PDE11A: variants seen among roughly 807,000 people sequenced by gnomAD.
PDE11A encodes the protein dual 3',5'-cyclic-AMP and -GMP phosphodiesterase 11A.
PDE11A carries 100 observed loss-of-function variants against 100.5 expected under a neutral mutation model. The ratio of observed to expected loss-of-function variants is 1.00; its 90% CI spans 0.85 to 1.18. The LOEUF (loss-of-function observed/expected upper bound fraction) is 1.18. PDE11A is among the 50% of genes most tolerant of loss of function. The pLI is 0.00. For missense variants in PDE11A, 1,141 were observed against 1,152.6 expected, an observed-to-expected ratio of 0.99 and a Z score of 0.15; for synonymous variants, 381 against 420.8, an observed-to-expected ratio of 0.91 and a Z score of 1.16.
At chr2:177,712,606 A>C (rs2081373070) in intron 12 of PDE11A, among the ~76,000 whole-genome samples, 1 of 152,132 alleles carries the variant, frequency 6.6e-6, no homozygotes, top group Non-Finnish European at 1.5e-5. Context: ...GGTGAAATGC[A>C]CAGCTGTGAT....
In PDE11A at chr2:177,657,487, A is replaced by G. The variant is rs79990762; in HGVS notation, c.2646+6379T>C. Among the ~76,000 whole-genome samples the G allele has an allele frequency of 4.5e-4, 69 of 152,328 alleles. 1 individual carries two copies. The highest frequency in any genetic ancestry group is 1.6e-3 in the African/African-American group (68 of 41,568). On this transcript the variant is annotated intron_variant, in intron 19 of 19. Coordinates refer to ENST00000286063, the MANE Select transcript of PDE11A (RefSeq NM_016953.4). ...TACATTTCAGAACTCTCCTTTCTCT[A>G]TTAAGAACCAAACCTGGCTAAGTTA...
chr2:177,740,609 A>T (rs2081858107), intron 10 of PDE11A, among the ~76,000 whole-genome samples: 1 of 152,220 alleles, frequency 6.6e-6, no homozygotes, highest in African/African-American at 2.4e-5. Flanking sequence ...AATCAATCCC[A>T]ATGAATCTAG....
chr2:178,041,780 T>C (rs1352356999), intron 1 of PDE11A, among the ~76,000 whole-genome samples: 2 of 152,224 alleles, frequency 1.3e-5, no homozygotes, highest in African/African-American at 2.4e-5. Flanking sequence ...GGAAGTGCTG[T>C]TTGTCCAGTT....
intron 2 of PDE11A, among the ~76,000 whole-genome samples, chr2:177,966,548 G>GT (rs71410780): frequency 0.07 from 10,595 of 150,868 alleles, 368 homozygotes; most frequent in South Asian, 0.094. Flanking sequence ...TATAGAGGGT[G>GT]TTTTTTTTTA....
chr2:177,668,314 A>G (rs905868505), intron 18 of PDE11A, among the ~76,000 whole-genome samples: 1 of 152,150 alleles, frequency 6.6e-6, no homozygotes, highest in Admixed American at 6.5e-5. Context: ...CAGTTTTTAA[A>G]GGGGGAAAAG....
intron 2 of PDE11A, among the ~76,000 whole-genome samples, chr2:177,947,367 C>G (rs569270927): frequency 2.0e-5 from 3 of 151,696 alleles, no homozygotes; most frequent in South Asian, 4.2e-4. Flanking sequence ...GGATGGTTGC[C>G]GTGTCTGTGT....
intron 2 of PDE11A, among the ~76,000 whole-genome samples, chr2:177,989,223 A>C (rs141334545): frequency 6.9e-4 from 105 of 152,212 alleles, no homozygotes; most frequent in African/African-American, 2.3e-3. Flanking sequence ...TGAGCAATCT[A>C]CTCTTTTTCA....
intron 1 of PDE11A, among the ~76,000 whole-genome samples, chr2:178,022,579 C>T (rs551735631): frequency 2.6e-5 from 4 of 152,134 alleles, no homozygotes; most frequent in African/African-American, 9.6e-5. Context: ...AGCCCAGGAT[C>T]TTCAGAAGGT....
chr2:177,907,732 G>A (rs13409454), intron 2 of PDE11A, among the ~76,000 whole-genome samples: 3 of 152,164 alleles, frequency 2.0e-5, no homozygotes, highest in Non-Finnish European at 4.4e-5. Context: ...TTACTATCCA[G>A]TATAATAAAG....
chr2:178,017,519 A>G lies in PDE11A; in HGVS notation c.913-3059T>C, dbSNP rs114674314. On this transcript the variant is annotated intron_variant, in intron 1 of 19. Coordinates refer to ENST00000286063, the MANE Select transcript of PDE11A (RefSeq NM_016953.4). ...CTAAATATCATTTATGGATTCAAAT[A>G]TGTAGCAAAAGTATAAAAGCATGTA... Among the ~76,000 whole-genome samples, 413 of 152,346 alleles carry G rather than the reference A, an allele frequency of 2.7e-3. 4 individuals carry two copies. Among genetic ancestry groups the G allele is most frequent in the Middle Eastern group, 6.8e-3 (2 of 292 alleles).
At chr2:177,727,794 G>T in intron 11 of PDE11A, 29 bp from the exon 12 acceptor site, 2 of 1,336,562 alleles carry the variant, frequency 1.5e-6, no homozygotes, top group Non-Finnish European at 2.2e-6. Flanking sequence ...GGTGCGTCAG[G>T]CAGTTGTAAG....
chr2:178,057,224 G>A (rs1313322378), intron 1 of PDE11A, among the ~76,000 whole-genome samples: 1 of 152,180 alleles, frequency 6.6e-6, no homozygotes, highest in African/African-American at 2.4e-5. Flanking sequence ...AATTGCGGGG[G>A]TTAAGTAGTT....
At position 178,071,828 on chromosome 2, in the gene PDE11A, A is replaced by AC; in HGVS notation, c.609dup (p.Phe204ValfsTer12). ...ATATCTTTGACCAATTCCAGAAAGA[A>AC]CTGACGCTCATTATGCTTTTTCAGA... On this transcript the variant is annotated frameshift_variant, in exon 1 of 20. Transcript: ENST00000286063. LOFTEE classifies it high-confidence loss of function. 1 of 1,614,068 alleles carries AC rather than the reference A, an allele frequency of 6.2e-7. No individual in the cohort carries two copies. The highest frequency in any genetic ancestry group is 8.5e-7 in the Non-Finnish European group (1 of 1,179,942).
chr2:178,049,021 GGAA>G (rs2086788009), intron 1 of PDE11A, among the ~76,000 whole-genome samples: 4 of 152,044 alleles, frequency 2.6e-5, no homozygotes, highest in African/African-American at 9.7e-5. Flanking sequence ...ATCTATGAAA[GGAA>G]AGGGATAGCA....
At position 178,107,711 on chromosome 2, in the gene PDE11A, CT is replaced by C. The variant is rs772556248; in HGVS notation, c.-14+542del. On this transcript the variant is annotated intron_variant, in intron 1 of 20. Transcript: ENST00000358450. ...TATAATCTTATAGGTTTAACAATTC[CT>C]TTTTTTTTCTTTTTTTTTTTTTTTT... Among the ~76,000 whole-genome samples, 233 of 142,664 alleles carry C rather than the reference CT, an allele frequency of 1.6e-3. 1 individual carries two copies. The highest frequency in any genetic ancestry group is 4.2e-3 in the East Asian group (21 of 4,988). The allele number at this position is 142,664 out of a possible 152,430, so 93.6% of individuals were successfully genotyped here.
chr2:177,860,330 T>C (rs1352998106), intron 5 of PDE11A, among the ~76,000 whole-genome samples: 1 of 151,690 alleles, frequency 6.6e-6, no homozygotes, highest in Non-Finnish European at 1.5e-5. Flanking sequence ...TGAATAATGG[T>C]ATGCCAAAAA....
At chr2:177,803,647 C>T (rs865782016) in intron 9 of PDE11A, among the ~76,000 whole-genome samples, 3 of 152,000 alleles carry the variant, frequency 2.0e-5, no homozygotes, top group African/African-American at 7.2e-5. Context: ...AATAGTTCAA[C>T]ATATGCAAAT....
chr2:177,668,559 T>C (rs561463573), intron 18 of PDE11A, among the ~76,000 whole-genome samples: 67 of 152,308 alleles, frequency 4.4e-4, no homozygotes, highest in African/African-American at 1.4e-3. Context: ...ATTAAGAATA[T>C]TCAAAATTAG....
At chr2:177,665,667 C>T (rs983389126) in intron 18 of PDE11A, among the ~76,000 whole-genome samples, 3 of 150,998 alleles carry the variant, frequency 2.0e-5, no homozygotes, top group Non-Finnish European at 4.4e-5. Flanking sequence ...ACCAGCCTGG[C>T]CAACATGGCG....
Sources: allele counts gnomAD v4.1 joint callset (sites outside exome capture counted in the v4.1 genomes callset), GRCh38; gene constraint gnomAD v4.1.1; transcripts MANE v1.5; gene names NCBI Gene and HGNC (gene_info 2026-07-23, HGNC 2026-07-21).